The following MDFIC2 variants were observed in gnomAD, a reference collection of about 807,000 sequenced individuals.
MDFIC2 encodes myoD family inhibitor domain-containing protein 2.
intron 2 of MDFIC2, among the ~76,000 whole-genome samples, chr3:70,270,400 C>T (rs1336615097): frequency 6.6e-6 from 1 of 152,176 alleles, no homozygotes. Flanking sequence ...AAGAAAAACA[C>T]AGACCAAACA....
At chr3:70,290,460 C>G (rs1190970080) in intron 2 of MDFIC2, among the ~76,000 whole-genome samples, 1 of 152,202 alleles carries the variant, frequency 6.6e-6, no homozygotes, top group African/African-American at 2.4e-5. Context: ...CTGCTCTCTT[C>G]AAAGCTGTCA....
chr3:70,201,051 T>G (rs1290192510), intron 3 of MDFIC2, among the ~76,000 whole-genome samples: 1 of 152,176 alleles, frequency 6.6e-6, no homozygotes, highest in African/African-American at 2.4e-5. Flanking sequence ...TTTAAATTCT[T>G]TTTTTAACAT....
chr3:70,263,274 G>A (rs754270970), intron 2 of MDFIC2, among the ~76,000 whole-genome samples: 2 of 151,672 alleles, frequency 1.3e-5, no homozygotes, highest in African/African-American at 2.4e-5. Flanking sequence ...TTATGTTATC[G>A]AGTGCTGGTT....
At position 70,194,771 on chromosome 3, in the gene MDFIC2, T is replaced by A. The variant is rs1701159588; in HGVS notation, c.*2155A>T. Among the ~76,000 whole-genome samples, 1 of 152,164 alleles carries A rather than the reference T, an allele frequency of 6.6e-6. No homozygotes were observed. Among genetic ancestry groups the A allele is most frequent in the Non-Finnish European group, 1.5e-5 (1 of 68,034 alleles). ...GTAGAAAGAATAAGGGAATGATAAT[T>A]GAAATATTTAACACCAATATGGCAT... On this transcript the variant is annotated 3_prime_UTR_variant, in exon 4 of 4. Transcript: ENST00000567252.
intron 2 of MDFIC2, among the ~76,000 whole-genome samples, chr3:70,288,746 T>C (rs1702195069): frequency 6.6e-6 from 1 of 151,920 alleles, no homozygotes; most frequent in South Asian, 2.1e-4. Flanking sequence ...GGTGCTCCTG[T>C]GTTGGGTGCA....
chr3:70,263,247 G>A (rs1470757589), intron 2 of MDFIC2, among the ~76,000 whole-genome samples: 2 of 152,044 alleles, frequency 1.3e-5, no homozygotes, highest in Admixed American at 6.6e-5. Flanking sequence ...TTTACTGTAT[G>A]CTGGGTATTA....
At chr3:70,224,144 T>G (rs1259457287) in intron 2 of MDFIC2, among the ~76,000 whole-genome samples, 2 of 152,068 alleles carry the variant, frequency 1.3e-5, no homozygotes, top group Non-Finnish European at 1.5e-5. Flanking sequence ...GGGAAAATAA[T>G]TGAATGTGGA....
chr3:70,310,409 A>C (rs1247453516), intron 2 of MDFIC2, among the ~76,000 whole-genome samples: 1 of 152,086 alleles, frequency 6.6e-6, no homozygotes, highest in African/African-American at 2.4e-5. Context: ...TCAGTCACCC[A>C]GGCTGGAGTG....
At chr3:70,310,608 C>T (rs563805839) in intron 2 of MDFIC2, among the ~76,000 whole-genome samples, 20 of 152,094 alleles carry the variant, frequency 1.3e-4, no homozygotes, top group African/African-American at 4.1e-4. Context: ...GCAAGTGATC[C>T]ACCCGCCTCG....
chr3:70,226,774 G>A (rs1701511202), intron 2 of MDFIC2, among the ~76,000 whole-genome samples: 1 of 151,352 alleles, frequency 6.6e-6, no homozygotes, highest in Non-Finnish European at 1.5e-5. Context: ...CAATTTCCAG[G>A]TGGCAATTAA....
chr3:70,247,463 A>T (rs9310183), intron 2 of MDFIC2, among the ~76,000 whole-genome samples: 17,308 of 151,748 alleles, frequency 0.11, 1,969 homozygotes, highest in African/African-American at 0.29. Context: ...ATTCTTTATC[A>T]TATAATATAT....
intron 2 of MDFIC2, among the ~76,000 whole-genome samples, chr3:70,296,579 A>G (rs1702291361): frequency 6.6e-6 from 1 of 152,192 alleles, no homozygotes; most frequent in Non-Finnish European, 1.5e-5. Flanking sequence ...CTGTGTTTCC[A>G]GTGGAATAAA....
chr3:70,285,790 G>T lies in MDFIC2; in HGVS notation c.88+26096C>A, dbSNP rs548996697. On this transcript the variant is annotated intron_variant, in intron 2 of 3. Coordinates refer to ENST00000567252, the MANE Select transcript of MDFIC2 (RefSeq NM_001364677.1). ...TGGTATCTCATTGTGGTTTTGATTT[G>T]CATTTCTCTGATGTCCAGTGATGAG... Among the ~76,000 whole-genome samples the T allele has an allele frequency of 3.3e-5, 5 of 152,238 alleles. No homozygotes were observed. In the East Asian group the frequency reaches 9.6e-4, roughly 29 times the overall value.
chr3:70,264,953 G>T (rs1014750089), intron 2 of MDFIC2, among the ~76,000 whole-genome samples: 1 of 152,164 alleles, frequency 6.6e-6, no homozygotes, highest in South Asian at 2.1e-4. Flanking sequence ...ATGGTGGAAG[G>T]TGAATGAGGA....
chr3:70,243,904 T>G (rs930218833), intron 2 of MDFIC2, among the ~76,000 whole-genome samples: 2 of 152,194 alleles, frequency 1.3e-5, no homozygotes, highest in African/African-American at 4.8e-5. Context: ...AATAATTGTC[T>G]ATAGTTTCCT....
At chr3:70,284,776 A>G (rs1702124938) in intron 2 of MDFIC2, among the ~76,000 whole-genome samples, 1 of 152,108 alleles carries the variant, frequency 6.6e-6, no homozygotes, top group Non-Finnish European at 1.5e-5. Flanking sequence ...ACAGAGGATC[A>G]GGGAAAATAA....
At chr3:70,308,400 TA>T (rs1287412581) in intron 2 of MDFIC2, among the ~76,000 whole-genome samples, 4 of 152,118 alleles carry the variant, frequency 2.6e-5, no homozygotes, top group Admixed American at 6.5e-5. Context: ...CCGATTATCT[TA>T]AAAGAGGGTT....
chr3:70,220,368 C>G (rs1357829130), intron 2 of MDFIC2, among the ~76,000 whole-genome samples: 7 of 151,998 alleles, frequency 4.6e-5, no homozygotes, highest in African/African-American at 1.7e-4. Flanking sequence ...GAGTTTGAAG[C>G]TGCAGTGCTG....
chr3:70,216,249 CAT>C (rs1325940027), intron 2 of MDFIC2, among the ~76,000 whole-genome samples: 5 of 150,010 alleles, frequency 3.3e-5, no homozygotes, highest in Non-Finnish European at 7.4e-5. Context: ...TATATATCAA[CAT>C]AATTAGATTA....
Sources: gnomAD v4.1 joint callset for allele counts (sites outside exome capture counted in the v4.1 genomes callset) on GRCh38, gnomAD v4.1.1 for gene constraint, MANE v1.5 for transcripts, NCBI Gene and HGNC (gene_info 2026-07-23, HGNC 2026-07-21) for gene names.